ZNF732: variants seen among roughly 807,000 people sequenced by gnomAD.
ZNF732 encodes the protein zinc finger protein LOC654254.
ZNF732 carries 12 observed loss-of-function variants against 11.5 expected under a neutral mutation model. The observed-to-expected ratio is 1.05, with a 90% CI of 0.67 to 1.70. The LOEUF is 1.70. ZNF732 is among the 40% of genes most tolerant of loss of function. The probability of loss-of-function intolerance (pLI) is 0.00; values close to 1 mark genes in which losing one functional copy is unlikely to be tolerated. For missense variants in ZNF732, 702 were observed against 676.9 expected (o/e 1.04, Z -0.41); for synonymous variants, 231 against 236.5 (o/e 0.98, Z 0.21).
chr4:282,438 C>T (rs1278818225), intron 3 of ZNF732, among the ~76,000 whole-genome samples: 1 of 152,014 alleles, frequency 6.6e-6, no homozygotes, highest in Non-Finnish European at 1.5e-5. Context: ...TAATGCATGC[C>T]TATAAACCTA....
At chr4:299,191 G>A (rs910123669) in intron 1 of ZNF732, among the ~76,000 whole-genome samples, 1 of 151,564 alleles carries the variant, frequency 6.6e-6, no homozygotes, top group Non-Finnish European at 1.5e-5. Context: ...TCTCATGGAG[G>A]CTCCTTCAAC....
At chr4:279,837 G>C (rs1396421029) in intron 3 of ZNF732, among the ~76,000 whole-genome samples, 1 of 151,974 alleles carries the variant, frequency 6.6e-6, no homozygotes, top group African/African-American at 2.4e-5. Context: ...CTGTTTCTTT[G>C]ACTACTCACC....
At chr4:297,795 G>A (rs530794732) in intron 1 of ZNF732, among the ~76,000 whole-genome samples, 5 of 152,230 alleles carry the variant, frequency 3.3e-5, no homozygotes, top group African/African-American at 1.2e-4. Flanking sequence ...GGCAGTAGGA[G>A]TAGTCACTCC....
chr4:281,408 C>T (rs952110313), intron 3 of ZNF732, among the ~76,000 whole-genome samples: 7 of 152,198 alleles, frequency 4.6e-5, no homozygotes, highest in Non-Finnish European at 1.0e-4. Flanking sequence ...TTCCAAACAC[C>T]TCGCAAGAGC....
At position 305,206 on chromosome 4, in the gene ZNF732, G is replaced by A. The variant is rs1415240599; in HGVS notation, c.3+102C>T. On this transcript the variant is annotated intron_variant, in intron 1 of 3. Coordinates refer to ENST00000419098, the MANE Select transcript of ZNF732 (RefSeq NM_001137608.3). ...GACCAAGGACTGAGGGCTGAGCGGC[G>A]GCAGCGGAGACTCCGTTCGCAGACT... 3.5e-6 allele frequency: 5 copies of A among 1,445,178 alleles called. No individual in the cohort carries two copies. The Admixed American group carries it at 7.2e-5, about 21-fold the overall frequency. 89.5% of individuals were successfully genotyped at this position (1,445,178 alleles called of 1,614,324 possible).
At chr4:277,891 A>G (rs1719533567) in intron 3 of ZNF732, among the ~76,000 whole-genome samples, 1 of 150,478 alleles carries the variant, frequency 6.6e-6, no homozygotes, top group Admixed American at 6.6e-5. Flanking sequence ...GTAGCTAAAG[A>G]AAACAAAATC....
chr4:304,748 A>G (rs1313733698), intron 1 of ZNF732, among the ~76,000 whole-genome samples: 5 of 152,228 alleles, frequency 3.3e-5, no homozygotes, highest in Non-Finnish European at 5.9e-5. Flanking sequence ...GCCACTCAGG[A>G]ACAGCCACGC....
At chr4:286,593 G>C (rs1455131779) in intron 3 of ZNF732, among the ~76,000 whole-genome samples, 1 of 152,224 alleles carries the variant, frequency 6.6e-6, no homozygotes, top group Admixed American at 6.5e-5. Context: ...ATCTAAAGTA[G>C]TTAAATGCTT....
chr4:292,329 G>A (rs1004212775), intron 3 of ZNF732, among the ~76,000 whole-genome samples: 3 of 151,972 alleles, frequency 2.0e-5, no homozygotes, highest in Non-Finnish European at 4.4e-5. Context: ...AGGCCGAGGC[G>A]GGCAGATCAC....
chr4:301,214 A>G (rs1220835803), intron 1 of ZNF732, among the ~76,000 whole-genome samples: 4 of 151,626 alleles, frequency 2.6e-5, no homozygotes, highest in Non-Finnish European at 5.9e-5. Flanking sequence ...AAAGTCAGGA[A>G]ACGACAGGTG....
At chr4:274,227 T>C (rs548137099) in intron 3 of ZNF732, among the ~76,000 whole-genome samples, 93 of 151,744 alleles carry the variant, frequency 6.1e-4, no homozygotes, top group African/African-American at 2.0e-3. Context: ...ACAACAACAA[T>C]ATGATTACTG....
intron 3 of ZNF732, among the ~76,000 whole-genome samples, chr4:283,267 TA>T: frequency 6.6e-6 from 1 of 152,192 alleles, no homozygotes; most frequent in Non-Finnish European, 1.5e-5. Flanking sequence ...TTCTATTCTT[TA>T]TAAATTACCA....
At chr4:273,384 T>A (rs191798871) in intron 3 of ZNF732, among the ~76,000 whole-genome samples, 387 of 147,104 alleles carry the variant, frequency 2.6e-3, no homozygotes, top group African/African-American at 1.0e-2. Flanking sequence ...AACAAGCAAA[T>A]ATTATAATGT....
In ZNF732 at chr4:272,512, T is replaced by G. The variant is rs1553837994; in HGVS notation, c.345A>C (p.Lys115Asn). The G allele has an allele frequency of 1.2e-6, 2 of 1,602,344 alleles. No homozygotes were observed. The highest frequency in any genetic ancestry group is 2.2e-5 in the South Asian group (2 of 89,922). ...CTTTCTGCACCTTCCTTTTACAGCTTTTTCTTAATTCTAAATTCTCATGTC... is the reference window on the plus strand; with the variant it reads ...CTTTCTGCACCTTCCTTTTACAGCTGTTTCTTAATTCTAAATTCTCATGTC... Reference protein sequence around the residue: ...KCGHENLELRKSCKRKVQKGG... With the variant: ...KCGHENLELRNSCKRKVQKGG... The change falls in exon 4 of 4, where the codon AAA (lysine) becomes AAC (asparagine). Residue 115 changes from lysine (K) to asparagine (N), a missense_variant. Around this residue, in one of 3 missense-constraint regions of ZNF732, gnomAD observed 596 missense variants for 557.9 expected, o/e 1.07. Coordinates refer to ENST00000419098, the MANE Select transcript of ZNF732 (RefSeq NM_001137608.3).
chr4:295,794 G>C (rs530603157), intron 2 of ZNF732, among the ~76,000 whole-genome samples: 1 of 152,058 alleles, frequency 6.6e-6, no homozygotes, highest in Non-Finnish European at 1.5e-5. Context: ...ATTGAATTTC[G>C]AGAATTACCA....
intron 3 of ZNF732, among the ~76,000 whole-genome samples, chr4:292,718 G>A (rs1418638061): frequency 1.3e-5 from 2 of 151,490 alleles, no homozygotes; most frequent in Non-Finnish European, 2.9e-5. Flanking sequence ...GCTATATGCT[G>A]TTGGTGAGAT....
At chr4:300,928 C>G (rs1007585301) in intron 1 of ZNF732, among the ~76,000 whole-genome samples, 39 of 152,162 alleles carry the variant, frequency 2.6e-4, no homozygotes, top group African/African-American at 8.9e-4. Context: ...TCAGAGTGAA[C>G]AGGCAACCTA....
intron 3 of ZNF732, 24 bp downstream of exon 3, chr4:295,414 T>C (rs1719925579): frequency 1.3e-6 from 2 of 1,582,044 alleles, no homozygotes; most frequent in Non-Finnish European, 1.7e-6. Flanking sequence ...GCCTGTGTCC[T>C]CTCCTTCATT....
Position 271,673 on chromosome 4 carries a change from C to T in ZNF732, c.1184G>A (p.Cys395Tyr), listed in dbSNP as rs782429473. Residue 395 changes from cysteine to tyrosine, a missense_variant, in exon 4 of 4, where the codon TGT becomes TAT. By Grantham distance (194) the Cys-to-Tyr change is radical. Around this residue, in one of 3 missense-constraint regions of ZNF732, gnomAD observed 596 missense variants for 557.9 expected, o/e 1.07. Transcript: ENST00000419098. ...TGTGAACCGACTAAAGGCTTTTCCA[C>T]ATTCTTCACATGTGTAGGGTTTCTC... is the stretch of plus-strand genomic sequence containing the variant. ...TGEKPYTCEE[C>Y]GKAFSRFTTL... is the part of the protein sequence containing the mutation. 18 of 1,611,442 alleles carry T rather than the reference C, an allele frequency of 1.1e-5. 1 individual carries two copies. The highest frequency in any genetic ancestry group is 6.7e-5 in the East Asian group (3 of 44,838).
Sources: gnomAD v4.1 joint callset for allele counts (sites outside exome capture counted in the v4.1 genomes callset) on GRCh38, gnomAD v4.1.1 for gene constraint, gnomAD v4.1.1 regional missense constraint, MANE v1.5 for transcripts, NCBI Gene and HGNC (gene_info 2026-07-23, HGNC 2026-07-21) for gene names.